The following SPOCK1 variants were observed in gnomAD, a reference collection of about 807,000 sequenced individuals.
The protein encoded by SPOCK1 is testican-1.
Under a neutral mutation model 55.3 loss-of-function variants are expected in SPOCK1, and 23 were observed. The ratio of observed to expected loss-of-function variants is 0.42; its 90% CI spans 0.30 to 0.59. The LOEUF (loss-of-function observed/expected upper bound fraction) is 0.59. SPOCK1 is among the 20% of genes least tolerant of loss of function. The pLI, the probability that SPOCK1 is intolerant of heterozygous loss-of-function variation, is 0.22. For synonymous variants in SPOCK1, 226 were observed against 221.0 expected (o/e 1.02, Z -0.20); for missense variants, 499 against 552.5 (o/e 0.90, Z 0.97).
intron 2 of SPOCK1, among the ~76,000 whole-genome samples, chr5:137,309,183 T>C (rs1174478234): frequency 6.6e-6 from 1 of 152,194 alleles, no homozygotes; most frequent in African/African-American, 2.4e-5. Flanking sequence ...CATACATCAT[T>C]GCCATCTTTC....
intron 3 of SPOCK1, among the ~76,000 whole-genome samples, chr5:137,227,585 A>G (rs1580817239): frequency 6.6e-6 from 1 of 152,196 alleles, no homozygotes; most frequent in South Asian, 2.1e-4. Flanking sequence ...AAGGAGCCTA[A>G]AAGCCTTCTA....
chr5:137,423,262 T>G (rs1217221810), intron 2 of SPOCK1, among the ~76,000 whole-genome samples: 1 of 152,212 alleles, frequency 6.6e-6, no homozygotes, highest in Admixed American at 6.5e-5. Context: ...AGTCTGTCTG[T>G]TCTCAGATCT....
At chr5:137,167,653 T>G (rs1754674931) in intron 3 of SPOCK1, among the ~76,000 whole-genome samples, 1 of 151,988 alleles carries the variant, frequency 6.6e-6, no homozygotes, top group Non-Finnish European at 1.5e-5. Context: ...AACTTGAAAT[T>G]AATAACAAGA....
At chr5:137,048,794 A>G (rs1191029934) in intron 6 of SPOCK1, among the ~76,000 whole-genome samples, 3 of 110,110 alleles carry the variant, frequency 2.7e-5, no homozygotes, top group Non-Finnish European at 5.5e-5. Context: ...GTTCCTTTCC[A>G]TGTTTAGCGC....
chr5:137,101,901 C>A (rs1753272595), intron 5 of SPOCK1, among the ~76,000 whole-genome samples: 2 of 152,258 alleles, frequency 1.3e-5, no homozygotes, highest in South Asian at 4.1e-4. Flanking sequence ...ATCACATTCC[C>A]ATAGATGAAC....
intron 2 of SPOCK1, among the ~76,000 whole-genome samples, chr5:137,352,350 A>C (rs959427655): frequency 4.6e-5 from 7 of 152,232 alleles, no homozygotes; most frequent in Non-Finnish European, 7.3e-5. Context: ...AGCCCTTTAA[A>C]CAGTCAACTA....
chr5:137,109,239 T>C (rs990654009), intron 5 of SPOCK1, among the ~76,000 whole-genome samples: 2 of 152,168 alleles, frequency 1.3e-5, no homozygotes, highest in African/African-American at 4.8e-5. Flanking sequence ...ACAAACAGGA[T>C]CTTCACAAAG....
intron 2 of SPOCK1, among the ~76,000 whole-genome samples, chr5:137,471,960 G>T (rs540355042): frequency 1.3e-5 from 2 of 152,284 alleles, no homozygotes; most frequent in Non-Finnish European, 2.9e-5. Context: ...GGTAGACTGC[G>T]CAGGAGAGGA....
intron 2 of SPOCK1, among the ~76,000 whole-genome samples, chr5:137,415,107 T>C (rs1752302550): frequency 6.6e-6 from 1 of 152,068 alleles, no homozygotes; most frequent in Non-Finnish European, 1.5e-5. Context: ...TACAAGCCAT[T>C]TGGGGGATTA....
At chr5:137,480,747 GT>G (rs1753933739) in intron 2 of SPOCK1, among the ~76,000 whole-genome samples, 1 of 152,130 alleles carries the variant, frequency 6.6e-6, no homozygotes, top group Non-Finnish European at 1.5e-5. Context: ...AGTCAGGAGG[GT>G]AGAAGAGCAC....
intron 2 of SPOCK1, among the ~76,000 whole-genome samples, chr5:137,446,248 T>C (rs931212470): frequency 2.0e-5 from 3 of 152,206 alleles, no homozygotes; most frequent in Non-Finnish European, 2.9e-5. Flanking sequence ...CAAAGACTTT[T>C]TTCCTGCTGT....
rs572099399 is a variant in SPOCK1, at chr5:137,191,593, C to T, written c.233-50899G>A. Among the ~76,000 whole-genome samples, 7 of 152,314 alleles carry T rather than the reference C, an allele frequency of 4.6e-5. No homozygotes were observed. In the East Asian group the frequency reaches 1.3e-3, roughly 29 times the overall value. On this transcript the variant is annotated intron_variant, in intron 3 of 10. Transcript: ENST00000394945. ...CTTTTTCAAAACTGCAGTATGTGACCTGTAGTATCAATAGATCAATCATAC... is the reference window on the plus strand; with the variant it reads ...CTTTTTCAAAACTGCAGTATGTGACTTGTAGTATCAATAGATCAATCATAC...
At chr5:137,169,397 T>G (rs546817520) in intron 3 of SPOCK1, among the ~76,000 whole-genome samples, 10 of 152,352 alleles carry the variant, frequency 6.6e-5, no homozygotes, top group African/African-American at 2.4e-4. Flanking sequence ...TGTCCCCATG[T>G]GATTATTACA....
chr5:137,079,539 C>CA lies in SPOCK1; in HGVS notation c.475-11711_475-11710insT, dbSNP rs964864241. Among the ~76,000 whole-genome samples the CA allele has an allele frequency of 1.6e-4, 24 of 149,004 alleles. 1 individual carries two copies. The highest frequency in any genetic ancestry group is 6.0e-4 in the Admixed American group (9 of 15,012). Reference sequence around the variant, plus strand: ...TCCTACCATCCCATCTGATTCCCCCCCCCCCCGACTTAGTGAAATGTCGTA... The same window carrying CA: ...TCCTACCATCCCATCTGATTCCCCCCACCCCCCGACTTAGTGAAATGTCGTA... On this transcript the variant is annotated intron_variant, in intron 5 of 10. Coordinates refer to ENST00000394945, the MANE Select transcript of SPOCK1 (RefSeq NM_004598.4).
intron 2 of SPOCK1, among the ~76,000 whole-genome samples, chr5:137,268,394 C>T (rs1398680696): frequency 6.6e-6 from 1 of 152,162 alleles, no homozygotes; most frequent in Admixed American, 6.5e-5. Context: ...GAATAACTGG[C>T]CTTCTCACCC....
intron 2 of SPOCK1, among the ~76,000 whole-genome samples, chr5:137,416,420 T>C (rs1233987405): frequency 2.6e-5 from 4 of 152,172 alleles, no homozygotes; most frequent in Non-Finnish European, 5.9e-5. Context: ...ACATTAGTTA[T>C]ATATATTAGC....
intron 2 of SPOCK1, among the ~76,000 whole-genome samples, chr5:137,318,140 T>G (rs752839909): frequency 6.6e-6 from 1 of 152,186 alleles, no homozygotes; most frequent in Non-Finnish European, 1.5e-5. Flanking sequence ...CACTGCATTT[T>G]CAAAGACCAC....
At position 137,318,481 on chromosome 5, in the gene SPOCK1, C is replaced by T. The variant is rs572030124; in HGVS notation, c.187-51426G>A. Among the ~76,000 whole-genome samples, 262 of 152,308 alleles carry T rather than the reference C, an allele frequency of 1.7e-3. 2 individuals are homozygous for T. The highest frequency in any genetic ancestry group is 6.1e-3 in the African/African-American group (255 of 41,580). On this transcript the variant is annotated intron_variant, in intron 2 of 10. Transcript: ENST00000394945. ...ATAATGAGGGGTTTGTCTGTCTTCTCAGCCCAGTCTCCTGGGAATCCCTCT... is the reference window on the plus strand; with the variant it reads ...ATAATGAGGGGTTTGTCTGTCTTCTTAGCCCAGTCTCCTGGGAATCCCTCT...
intron 2 of SPOCK1, among the ~76,000 whole-genome samples, chr5:137,474,415 G>T (rs2348605): frequency 3.3e-5 from 5 of 151,800 alleles, no homozygotes; most frequent in South Asian, 2.1e-4. Context: ...CTAATGGTAT[G>T]GTGTTTGATT....
Sources: allele counts gnomAD v4.1 joint callset (sites outside exome capture counted in the v4.1 genomes callset), GRCh38; gene constraint gnomAD v4.1.1; transcripts MANE v1.5; gene names NCBI Gene and HGNC (gene_info 2026-07-23, HGNC 2026-07-21).